Variants in AKAP9 observed in about 807,000 individuals in gnomAD.
AKAP9 encodes A-kinase anchoring protein 9, also known as A-kinase anchor protein 9.
AKAP9 carries 311 observed loss-of-function variants against 488.5 expected under a neutral mutation model. That is an observed-to-expected ratio of 0.64 (90% CI 0.58 to 0.70). The LOEUF is 0.70. AKAP9 is among the 30% of genes least tolerant of loss of function. AKAP9 has a pLI of 0.00. For synonymous variants in AKAP9, 1,462 were observed against 1,483.5 expected, an observed-to-expected ratio of 0.99 and a Z score of 0.33; for missense variants, 4,215 against 4,374.5, an observed-to-expected ratio of 0.96 and a Z score of 1.03.
chr7:92,030,456 C>T (rs1804029288), intron 15 of AKAP9, among the ~76,000 whole-genome samples: 2 of 152,182 alleles, frequency 1.3e-5, no homozygotes, highest in South Asian at 2.1e-4. Flanking sequence ...GCCTGGCTAA[C>T]ATGGTGAAAC....
At chr7:92,073,954 G>C (rs1812147557) in intron 28 of AKAP9, among the ~76,000 whole-genome samples, 1 of 152,138 alleles carries the variant, frequency 6.6e-6, no homozygotes, top group South Asian at 2.1e-4. Flanking sequence ...CAGGACATAG[G>C]CATGGGCAAG....
chr7:92,061,587 T>TATATAC (rs1003129027), intron 23 of AKAP9, among the ~76,000 whole-genome samples, 165 bp downstream of exon 23: 2 of 35,362 alleles, frequency 5.7e-5, no homozygotes, highest in Non-Finnish European at 6.0e-5. Flanking sequence ...TTTAAAACTA[T>TATATAC]ATATATATAT....
Position 92,084,943 on chromosome 7 carries a change from A to ACTG in AKAP9, c.8832+5_8832+6insGCT. ...ATTCCTTTCCAAAGAAAATAAAGGTACTAAAAGATAGATACCTTTTATTAA... is the reference window on the plus strand; with the variant it reads ...ATTCCTTTCCAAAGAAAATAAAGGTACTGCTAAAAGATAGATACCTTTTATTAA... On this transcript the variant is annotated splice_donor_region_variant and intron_variant, in intron 35 of 49. Coordinates refer to ENST00000356239, the MANE Select transcript of AKAP9 (RefSeq NM_005751.5). 1 of 1,612,604 alleles carries ACTG rather than the reference A, an allele frequency of 6.2e-7. No homozygotes were observed.
chr7:92,070,832 C>CAAAAAAAAAAAAAAA, intron 27 of AKAP9, 73 bp from the exon 28 acceptor site: 1 of 1,013,360 alleles, frequency 9.9e-7, no homozygotes. Context: ...AAAAGCAGAC[C>CAAAAAAAAAAAAAAA]AAAAAACAAA....
chr7:91,998,347 G>T (rs1229586100), intron 7 of AKAP9, among the ~76,000 whole-genome samples: 9 of 147,902 alleles, frequency 6.1e-5, no homozygotes. Context: ...ACTTCCCATT[G>T]GTGCCGTAGC....
intron 1 of AKAP9, among the ~76,000 whole-genome samples, chr7:91,947,379 G>T (rs1398362004): frequency 6.6e-6 from 1 of 151,454 alleles, no homozygotes; most frequent in Non-Finnish European, 1.5e-5. Context: ...GTCTCACTCT[G>T]TCACCCAGGC....
At chr7:91,941,274 C>T (rs1790719350) in intron 1 of AKAP9, 127 bp downstream of exon 1, 7 of 874,506 alleles carry the variant, frequency 8.0e-6, no homozygotes, top group Admixed American at 2.2e-5. Context: ...GCTGCAGGGT[C>T]TTAGGGTCTG....
chr7:92,100,712 C>A, intron 44 of AKAP9, 144 bp from the exon 45 acceptor site: 1 of 856,488 alleles, frequency 1.2e-6, no homozygotes, highest in Non-Finnish European at 1.9e-6. Context: ...AGTGTATATG[C>A]GTAATGTCAA....
At chr7:92,093,428 A>G in intron 39 of AKAP9, 112 bp downstream of exon 39, 1 of 939,844 alleles carries the variant, frequency 1.1e-6, no homozygotes, top group South Asian at 1.5e-5. Flanking sequence ...AATAGCATGC[A>G]ACTGTTTTTT....
At position 92,003,039 on chromosome 7, in the gene AKAP9, G is replaced by A; in HGVS notation, c.3122G>A (p.Ser1041Asn). 6.2e-7 allele frequency: 1 copy of A among 1,613,348 alleles called. No homozygotes were observed. The change falls in exon 8 of 50, where the codon AGT becomes AAT. Residue 1041 changes from serine to asparagine, a missense_variant. By Grantham distance (46) the Ser-to-Asn change is conservative (BLOSUM62 1). This residue lies in a region of AKAP9 where 2,361 missense variants were observed against 2,430.0 expected (regional missense o/e 0.97). Coordinates refer to ENST00000356239, the MANE Select transcript of AKAP9 (RefSeq NM_005751.5). ...GGATCAGTTTCTAAAGTAAATAAAAGTTTTGGTGAAGAATCAAAAATAATG... is the reference window on the plus strand; with the variant it reads ...GGATCAGTTTCTAAAGTAAATAAAAATTTTGGTGAAGAATCAAAAATAATG... ...AEGSVSKVNK[S>N]FGEESKIMVE...
chr7:91,948,713 G>C (rs1483906107), intron 1 of AKAP9, among the ~76,000 whole-genome samples: 1 of 150,094 alleles, frequency 6.7e-6, no homozygotes, highest in Non-Finnish European at 1.5e-5. Context: ...CTGGGTTCAA[G>C]TGATTCTCCT....
At chr7:92,030,752 A>G (rs1490550002) in intron 15 of AKAP9, among the ~76,000 whole-genome samples, 1 of 151,960 alleles carries the variant, frequency 6.6e-6, no homozygotes, top group Non-Finnish European at 1.5e-5. Context: ...AAAAAGTTCC[A>G]CATCTTTTAA....
intron 1 of AKAP9, among the ~76,000 whole-genome samples, chr7:91,950,888 A>C (rs1309191504): frequency 1.3e-5 from 2 of 152,232 alleles, no homozygotes; most frequent in Non-Finnish European, 2.9e-5. Context: ...CTATTCATAT[A>C]CAACTTAAAA....
Position 92,009,247 on chromosome 7 carries a change from A to G in AKAP9, c.3319-3182A>G, listed in dbSNP as rs533289281. 2.6e-5 allele frequency among the ~76,000 whole-genome samples: 4 copies of G among 152,286 alleles called. No individual in the cohort carries two copies. The East Asian group carries it at 7.7e-4, about 29-fold the overall frequency. On this transcript the variant is annotated intron_variant, in intron 8 of 49. Coordinates refer to ENST00000356239, the MANE Select transcript of AKAP9 (RefSeq NM_005751.5). ...GGTGACAGAGTGAGACCCTGTCTCT[A>G]AAACAAACTAACAAAATCAAATGAA... is the stretch of plus-strand genomic sequence containing the variant.
chr7:91,986,466 C>T (rs1020350538), intron 3 of AKAP9, among the ~76,000 whole-genome samples: 3 of 152,190 alleles, frequency 2.0e-5, no homozygotes, highest in African/African-American at 4.8e-5. Context: ...AGAAATCACC[C>T]GTCTTCTGTG....
chr7:92,061,491 C>T (rs1809781791), intron 23 of AKAP9, 69 bp downstream of exon 23: 2 of 1,564,390 alleles, frequency 1.3e-6, no homozygotes, highest in Non-Finnish European at 1.7e-6. Flanking sequence ...TTTTGATGCA[C>T]AGCCAGGTTT....
Position 92,089,451 on chromosome 7 carries a change from A to G in AKAP9, c.9280A>G (p.Ile3094Val). The G allele has an allele frequency of 6.2e-7, 1 of 1,613,024 alleles. No individual in the cohort carries two copies. The highest frequency in any genetic ancestry group is 8.5e-7 in the Non-Finnish European group (1 of 1,179,754). The change falls in exon 38 of 50, where the codon ATT becomes GTT. Residue 3094 changes from isoleucine (I) to valine (V), a missense_variant. Ile to Val is a conservative substitution (Grantham distance 29). Coordinates refer to ENST00000356239, the MANE Select transcript of AKAP9 (RefSeq NM_005751.5). ...AGATAGAAGGAGTTTGTTATCTGAAATTCAGGCACTGCATGCACAAATGAA... is the reference window on the plus strand; with the variant it reads ...AGATAGAAGGAGTTTGTTATCTGAAGTTCAGGCACTGCATGCACAAATGAA... Reference protein sequence around the residue: ...KADRRSLLSEIQALHAQMNGR... With the variant: ...KADRRSLLSEVQALHAQMNGR...
At chr7:92,042,335 A>G in intron 19 of AKAP9, 149 bp downstream of exon 19, 1 of 1,017,856 alleles carries the variant, frequency 9.8e-7, no homozygotes, top group Non-Finnish European at 1.5e-6. Context: ...GTGGAGTCAA[A>G]ATGCCTTACA....
At chr7:91,971,982 CTTT>C (rs71107846) in intron 1 of AKAP9, among the ~76,000 whole-genome samples, 2,861 of 91,804 alleles carry the variant, frequency 0.031, 46 homozygotes, top group Middle Eastern at 0.067. Flanking sequence ...TTTTGCCTCT[CTTT>C]TTTTTTTTTT....
Sources: allele counts gnomAD v4.1 joint callset (sites outside exome capture counted in the v4.1 genomes callset), GRCh38; gene constraint gnomAD v4.1.1; regional missense constraint gnomAD v4.1.1; transcripts MANE v1.5; gene names NCBI Gene and HGNC (gene_info 2026-07-23, HGNC 2026-07-21).